The following CALN1 variants were observed in gnomAD, a reference collection of about 807,000 sequenced individuals.
The protein encoded by CALN1 is calneuron 1, also known as calcium-binding protein 8.
In CALN1, 17 loss-of-function variants were observed where a neutral mutation model predicts 30.6. The ratio of observed to expected loss-of-function variants is 0.56; its 90% CI spans 0.38 to 0.83. CALN1 has a LOEUF of 0.83. Among genes scored for constraint, CALN1 ranks in the 40% least tolerant of loss-of-function variants. The pLI is 0.00. For synonymous variants in CALN1, 156 were observed against 131.4 expected (o/e 1.19, Z -1.28); for missense variants, 291 against 354.9 (o/e 0.82, Z 1.45).
intron 2 of CALN1, among the ~76,000 whole-genome samples, chr7:72,286,861 C>T (rs1357779233): frequency 6.6e-6 from 1 of 152,136 alleles, no homozygotes; most frequent in Non-Finnish European, 1.5e-5. Context: ...CAAGAAAGGA[C>T]AATTTTACAA....
chr7:72,411,974 A>G (rs888397203), intron 1 of CALN1, 84 bp downstream of exon 1: 3 of 152,174 alleles, frequency 2.0e-5, no homozygotes, highest in African/African-American at 7.2e-5. Context: ...CAGACTATGA[A>G]AGTACCCAGA....
intron 6 of CALN1, among the ~76,000 whole-genome samples, chr7:71,789,675 G>A (rs1237783457): frequency 6.6e-6 from 1 of 152,012 alleles, no homozygotes; most frequent in South Asian, 2.1e-4. Flanking sequence ...TGGGTCTAGG[G>A]GTTTCGTTCT....
chr7:71,823,713 A>G (rs1243354510), intron 5 of CALN1, among the ~76,000 whole-genome samples: 2 of 147,952 alleles, frequency 1.4e-5, no homozygotes, highest in Non-Finnish European at 3.0e-5. Context: ...GCGAGACTCC[A>G]TCTCAAAAAA....
chr7:72,141,400 G>C (rs944035134), intron 3 of CALN1, among the ~76,000 whole-genome samples: 3 of 152,118 alleles, frequency 2.0e-5, no homozygotes, highest in Non-Finnish European at 4.4e-5. Context: ...AAGAGTTCGA[G>C]ACCAGCCCTG....
chr7:71,899,420 G>A (rs183611191), intron 5 of CALN1, among the ~76,000 whole-genome samples: 166 of 152,264 alleles, frequency 1.1e-3, no homozygotes, highest in South Asian at 3.5e-3. Context: ...TGGGATTACA[G>A]ACGTGAGCCA....
At chr7:72,349,922 G>T (rs1343049446) in intron 2 of CALN1, among the ~76,000 whole-genome samples, 1 of 152,140 alleles carries the variant, frequency 6.6e-6, no homozygotes, top group Non-Finnish European at 1.5e-5. Context: ...TTCCTTTGCA[G>T]ATGCTCTTTA....
intron 4 of CALN1, among the ~76,000 whole-genome samples, chr7:72,097,705 T>G (rs1806340843): frequency 1.3e-5 from 2 of 152,052 alleles, no homozygotes; most frequent in Non-Finnish European, 2.9e-5. Context: ...TTTGACTATT[T>G]TTTTTTCTTT....
chr7:71,827,273 C>T (rs1194098629), intron 5 of CALN1, among the ~76,000 whole-genome samples: 1 of 152,166 alleles, frequency 6.6e-6, no homozygotes, highest in Non-Finnish European at 1.5e-5. Context: ...GGGCTGTCGG[C>T]ATGCCAAGTG....
intron 4 of CALN1, among the ~76,000 whole-genome samples, chr7:72,103,750 G>A (rs552679863): frequency 6.6e-6 from 1 of 151,980 alleles, no homozygotes; most frequent in Non-Finnish European, 1.5e-5. Context: ...CTTTGGAGAA[G>A]ATGGAAATGG....
intron 5 of CALN1, among the ~76,000 whole-genome samples, chr7:71,941,673 T>C (rs1489736100): frequency 6.6e-6 from 1 of 152,150 alleles, no homozygotes; most frequent in East Asian, 1.9e-4. Context: ...CATGAGAAAT[T>C]AGAGAAAAAA....
intron 2 of CALN1, among the ~76,000 whole-genome samples, chr7:72,329,848 G>A (rs1315382065): frequency 6.6e-6 from 1 of 152,076 alleles, no homozygotes; most frequent in African/African-American, 2.4e-5. Flanking sequence ...CAGCTATTCA[G>A]GAGACTGAGG....
chr7:72,106,134 G>C lies in CALN1; in HGVS notation c.388+17C>G. 1 of 1,612,048 alleles carries C rather than the reference G, an allele frequency of 6.2e-7. No individual in the cohort carries two copies. The highest frequency in any genetic ancestry group is 1.1e-5 in the South Asian group (1 of 90,724). On this transcript the variant is annotated intron_variant, in intron 4 of 6. Transcript: ENST00000395275. Reference sequence around the variant, plus strand: ...CGGGGCATGTCTCAGGGGAGAAGCTGCTTGTCCGGGTCTTACCGTCCATGT... The same window carrying C: ...CGGGGCATGTCTCAGGGGAGAAGCTCCTTGTCCGGGTCTTACCGTCCATGT...
intron 2 of CALN1, among the ~76,000 whole-genome samples, chr7:72,368,788 C>T (rs1192582999): frequency 6.7e-6 from 1 of 149,366 alleles, no homozygotes; most frequent in Non-Finnish European, 1.5e-5. Flanking sequence ...ATTTCACCAT[C>T]ACAGAGAATG....
At chr7:71,886,803 C>T (rs993490258) in intron 5 of CALN1, among the ~76,000 whole-genome samples, 7 of 151,464 alleles carry the variant, frequency 4.6e-5, no homozygotes, top group Middle Eastern at 3.2e-3. Flanking sequence ...TATTGCATGC[C>T]TTCTATGTTA....
chr7:72,440,010 G>A (rs1029277127), intron 1 of CALN1, among the ~76,000 whole-genome samples: 2 of 152,166 alleles, frequency 1.3e-5, no homozygotes, highest in African/African-American at 2.4e-5. Context: ...AACCCAAATT[G>A]TTCAAGGATC....
chr7:71,823,176 G>A (rs957138976), intron 5 of CALN1, among the ~76,000 whole-genome samples: 2 of 147,928 alleles, frequency 1.4e-5, no homozygotes, highest in Admixed American at 6.8e-5. Flanking sequence ...CTCTCTCTCC[G>A]TCTCTCTCTC....
intron 3 of CALN1, among the ~76,000 whole-genome samples, chr7:72,177,769 AAG>A (rs1789471832): frequency 3.3e-5 from 5 of 151,442 alleles, no homozygotes; most frequent in Non-Finnish European, 7.4e-5. Context: ...AAAAAAAAAA[AAG>A]GACATTTGGT....
intron 2 of CALN1, among the ~76,000 whole-genome samples, chr7:72,296,822 T>C (rs1429683311): frequency 8.8e-5 from 13 of 148,374 alleles, no homozygotes; most frequent in Admixed American, 2.0e-4. Context: ...CCTGGATTCA[T>C]TGATTTTTTG....
intron 3 of CALN1, among the ~76,000 whole-genome samples, chr7:72,263,140 T>A (rs529760749): frequency 6.6e-6 from 1 of 152,288 alleles, no homozygotes; most frequent in South Asian, 2.1e-4. Flanking sequence ...ATAAGCATCA[T>A]CATCATAACA....
Sources: gnomAD v4.1 joint callset for allele counts (sites outside exome capture counted in the v4.1 genomes callset) on GRCh38, gnomAD v4.1.1 for gene constraint, MANE v1.5 for transcripts, NCBI Gene and HGNC (gene_info 2026-07-23, HGNC 2026-07-21) for gene names.